Variants in ATRNL1 observed in about 807,000 individuals in gnomAD.
The protein encoded by ATRNL1 is attractin-like protein 1.
A neutral mutation model predicts 182.7 loss-of-function variants in ATRNL1; 95 were observed. The ratio of observed to expected loss-of-function variants is 0.52; its 90% CI spans 0.44 to 0.62. The LOEUF is 0.62. Among genes scored for constraint, ATRNL1 ranks in the 20% least tolerant of loss-of-function variants. The pLI, the probability that ATRNL1 is intolerant of heterozygous loss-of-function variation, is 0.00. For missense variants in ATRNL1, 1,471 were observed against 1,679.5 expected (o/e 0.88, Z 2.17); for synonymous variants, 576 against 568.3 (o/e 1.01, Z -0.19).
chr10:115,389,018 C>T (rs1004738079), intron 19 of ATRNL1, among the ~76,000 whole-genome samples: 5 of 151,992 alleles, frequency 3.3e-5, no homozygotes, highest in Admixed American at 6.6e-5. Flanking sequence ...TCCTCCTAAC[C>T]GAAATTTTGT....
In ATRNL1 at chr10:115,771,035, A is replaced by C. The variant is rs535749587; in HGVS notation, c.3903+43680A>C. On this transcript the variant is annotated intron_variant, in intron 27 of 28. Transcript: ENST00000355044. ...TATGAGACAATATTAACTTTTGAGG[A>C]CGTCAAATGTAGAAATTGAAGCTCA... Among the ~76,000 whole-genome samples, 89 of 152,282 alleles carry C rather than the reference A, an allele frequency of 5.8e-4. 1 individual carries two copies. Among genetic ancestry groups the C allele is most frequent in the African/African-American group, 1.9e-3 (81 of 41,584 alleles).
intron 17 of ATRNL1, among the ~76,000 whole-genome samples, chr10:115,303,313 C>T (rs192157118): frequency 3.3e-5 from 5 of 150,700 alleles, no homozygotes; most frequent in African/African-American, 9.8e-5. Flanking sequence ...CAACCTCCAC[C>T]TCCCTGGTTC....
chr10:115,859,131 C>T (rs1447601125), intron 28 of ATRNL1, among the ~76,000 whole-genome samples: 1 of 151,992 alleles, frequency 6.6e-6, no homozygotes. Context: ...CTTATCTAAA[C>T]CTAATTAGTC....
chr10:115,244,619 C>T (rs1189430793), intron 10 of ATRNL1, among the ~76,000 whole-genome samples: 1 of 152,118 alleles, frequency 6.6e-6, no homozygotes, highest in Non-Finnish European at 1.5e-5. Context: ...TGACATGACA[C>T]ATTTCTTAAT....
At chr10:115,543,648 A>G (rs568565099) in intron 25 of ATRNL1, among the ~76,000 whole-genome samples, 1 of 152,304 alleles carries the variant, frequency 6.6e-6, no homozygotes, top group South Asian at 2.1e-4. Context: ...ACCAGAGGGT[A>G]TTTATTTGTC....
chr10:115,499,443 C>G (rs1023787771), intron 24 of ATRNL1, among the ~76,000 whole-genome samples: 1 of 152,146 alleles, frequency 6.6e-6, no homozygotes, highest in African/African-American at 2.4e-5. Flanking sequence ...AGACAGGTGT[C>G]AGTTAATTTA....
At chr10:115,770,950 T>C (rs1466806092) in intron 27 of ATRNL1, among the ~76,000 whole-genome samples, 1 of 152,102 alleles carries the variant, frequency 6.6e-6, no homozygotes, top group Non-Finnish European at 1.5e-5. Flanking sequence ...AAAGTATATA[T>C]CTACTCAAAA....
chr10:115,182,821 C>G (rs1456525413), intron 8 of ATRNL1, among the ~76,000 whole-genome samples: 2 of 151,282 alleles, frequency 1.3e-5, no homozygotes, highest in Non-Finnish European at 3.0e-5. Context: ...CTATAGAAAA[C>G]AGAAACCACA....
At chr10:115,390,405 C>G (rs1272825656) in intron 19 of ATRNL1, among the ~76,000 whole-genome samples, 1 of 152,044 alleles carries the variant, frequency 6.6e-6, no homozygotes, top group African/African-American at 2.4e-5. Flanking sequence ...ATGTGAATAT[C>G]TAGTTTTCCC....
intron 19 of ATRNL1, among the ~76,000 whole-genome samples, chr10:115,373,643 A>G (rs1219556886): frequency 3.9e-5 from 6 of 151,992 alleles, no homozygotes; most frequent in African/African-American, 9.7e-5. Context: ...CATTCTCTTA[A>G]TGTAGTATAT....
At chr10:115,665,087 CATT>C (rs1341538816) in intron 26 of ATRNL1, among the ~76,000 whole-genome samples, 5 of 152,008 alleles carry the variant, frequency 3.3e-5, no homozygotes, top group Non-Finnish European at 7.4e-5. Flanking sequence ...AATGGTTTCT[CATT>C]AATACAGAGA....
intron 8 of ATRNL1, among the ~76,000 whole-genome samples, chr10:115,173,264 A>C (rs1248131886): frequency 1.3e-5 from 2 of 151,960 alleles, no homozygotes; most frequent in African/African-American, 4.8e-5. Context: ...AAGAGTTAAC[A>C]GATGTTCTAT....
chr10:115,514,723 G>A (rs1023405903), intron 24 of ATRNL1, among the ~76,000 whole-genome samples: 1 of 151,864 alleles, frequency 6.6e-6, no homozygotes, highest in Admixed American at 6.6e-5. Context: ...ATATGTTAAA[G>A]AATGGCAGAT....
chr10:115,270,959 C>T (rs1851834434), intron 13 of ATRNL1, among the ~76,000 whole-genome samples: 2 of 152,078 alleles, frequency 1.3e-5, no homozygotes, highest in African/African-American at 2.4e-5. Context: ...TTCTACCTAA[C>T]ATAATACAAG....
chr10:115,797,160 C>G (rs1381044574), intron 27 of ATRNL1, among the ~76,000 whole-genome samples: 1 of 152,006 alleles, frequency 6.6e-6, no homozygotes, highest in Non-Finnish European at 1.5e-5. Context: ...TGTGTCTTTT[C>G]TGGGAAGTTT....
chr10:115,697,662 A>C (rs1946607184), intron 26 of ATRNL1, among the ~76,000 whole-genome samples: 1 of 151,934 alleles, frequency 6.6e-6, no homozygotes, highest in African/African-American at 2.4e-5. Context: ...TGTGTGTTAC[A>C]TATATAATTC....
At chr10:115,698,921 G>T (rs2133990017) in intron 26 of ATRNL1, among the ~76,000 whole-genome samples, 1 of 152,204 alleles carries the variant, frequency 6.6e-6, no homozygotes, top group Non-Finnish European at 1.5e-5. Context: ...AAAGTAGCCA[G>T]ATAAACTAAA....
chr10:115,835,444 A>G (rs1950647471), intron 27 of ATRNL1, among the ~76,000 whole-genome samples: 1 of 152,174 alleles, frequency 6.6e-6, no homozygotes, highest in Admixed American at 6.5e-5. Context: ...GATAAAAATC[A>G]CCATCAGAAT....
chr10:115,909,866 A>C (rs1194488642), intron 28 of ATRNL1, among the ~76,000 whole-genome samples: 3 of 152,180 alleles, frequency 2.0e-5, no homozygotes, highest in Admixed American at 2.0e-4. Flanking sequence ...TGGCATTATT[A>C]AATCTTATCT....
Sources: gnomAD v4.1 joint callset for allele counts (sites outside exome capture counted in the v4.1 genomes callset) on GRCh38, gnomAD v4.1.1 for gene constraint, MANE v1.5 for transcripts, NCBI Gene and HGNC (gene_info 2026-07-23, HGNC 2026-07-21) for gene names.